MFSD11: variants seen among roughly 807,000 people sequenced by gnomAD.
MFSD11 encodes the protein major facilitator superfamily domain containing 11.
MFSD11 carries 36 observed loss-of-function variants against 53.5 expected under a neutral mutation model. The observed-to-expected ratio is 0.67, with a 90% CI of 0.52 to 0.89. The LOEUF (loss-of-function observed/expected upper bound fraction) is 0.89, where lower values mean the gene tolerates loss of function less well. MFSD11 is among the 40% of genes least tolerant of loss of function. MFSD11 has a pLI of 0.00. For synonymous variants in MFSD11, 186 were observed against 184.9 expected (o/e 1.01, Z -0.05); for missense variants, 530 against 543.9 (o/e 0.97, Z 0.25).
intron 8 of MFSD11, among the ~76,000 whole-genome samples, chr17:76,758,403 T>C (rs1372101143): frequency 1.3e-5 from 2 of 151,890 alleles, no homozygotes; most frequent in Admixed American, 6.6e-5. Context: ...GGCAACATGA[T>C]GCACCTCTCT....
At position 76,778,649 on chromosome 17, in the gene MFSD11, T is replaced by C; in HGVS notation, c.*297T>C. 3.5e-6 allele frequency: 1 copy of C among 281,730 alleles called. No individual in the cohort carries two copies. 17.5% of individuals were successfully genotyped at this position (281,730 alleles called of 1,614,324 possible). On this transcript the variant is annotated 3_prime_UTR_variant, in exon 13 of 13. Transcript: ENST00000685175. ...GTTATAGAATGTAAATGTTTTCTTC[T>C]CTCTCCTGCTCTTGTTGGAAGATCC...
At chr17:76,777,267 CAAAA>C (rs1055404399) in intron 12 of MFSD11, among the ~76,000 whole-genome samples, 1 of 57,966 alleles carries the variant, frequency 1.7e-5, no homozygotes. Flanking sequence ...GACTCCGTCT[CAAAA>C]AAAAAAAAAA....
In MFSD11 at chr17:76,776,944, C is replaced by T. The variant is rs985910027; in HGVS notation, c.1185+403C>T. Among the ~76,000 whole-genome samples the T allele has an allele frequency of 7.2e-5, 11 of 151,962 alleles. No individual in the cohort carries two copies. Among genetic ancestry groups the T allele is most frequent in the Admixed American group, 3.9e-4 (6 of 15,244 alleles). On this transcript the variant is annotated intron_variant, in intron 12 of 12. Transcript: ENST00000685175. This position sits in a 1 kb window ranked among gnomAD's most constrained non-coding sequence, Gnocchi z 4.2. ...TGGGGATTATATGCGTGAGCCACCG[C>T]ACCTGGTCTATTTTTTTATTTTATT...
upstream of MFSD11, chr17:76,737,785 C>G (rs2077625958): frequency 6.2e-6 from 1 of 161,524 alleles, no homozygotes; most frequent in Admixed American, 6.4e-5. Flanking sequence ...CGTCGTCTCT[C>G]GGCCCCGTCC....
the MFSD11 span, among the ~76,000 whole-genome samples, chr17:76,793,449 C>G: frequency 6.6e-6 from 1 of 151,634 alleles, no homozygotes; most frequent in East Asian, 1.9e-4. Flanking sequence ...TTAAGGTTAT[C>G]TGTCTTGTTC....
chr17:76,742,036 A>G lies in MFSD11; in HGVS notation c.328A>G (p.Ile110Val). Residue 110 changes from isoleucine to valine, a missense_variant, in exon 4 of 13, where the codon ATT becomes GTT. Ile to Val is a conservative substitution (Grantham distance 29). Transcript: ENST00000685175. ...SFYTASVFIG[I>V]AAAVLWTAQG... ...CTACACAGCCTCTGTTTTCATTGGA[A>G]TTGCTGCTGCTGGTAAGCATTTTGA... 6.2e-7 allele frequency: 1 copy of G among 1,614,128 alleles called. No homozygotes were observed. Among genetic ancestry groups the G allele is most frequent in the Non-Finnish European group, 8.5e-7 (1 of 1,180,032 alleles).
At chr17:76,787,640 G>T in the MFSD11 span, among the ~76,000 whole-genome samples, 2 of 149,880 alleles carry the variant, frequency 1.3e-5, 1 homozygote, top group Non-Finnish European at 3.0e-5. Flanking sequence ...AATACTATGA[G>T]CTTTTGTTAT....
At chr17:76,762,107 A>C (rs1007610151) in intron 8 of MFSD11, among the ~76,000 whole-genome samples, 1 of 151,916 alleles carries the variant, frequency 6.6e-6, no homozygotes, top group Non-Finnish European at 1.5e-5. Flanking sequence ...CAACCTCCCT[A>C]AGGCACTCCC....
chr17:76,760,749 T>C (rs1296218920), intron 8 of MFSD11, among the ~76,000 whole-genome samples: 1 of 152,090 alleles, frequency 6.6e-6, no homozygotes, highest in Non-Finnish European at 1.5e-5. Flanking sequence ...CAGGCTAGTC[T>C]TGAACTCCTG....
chr17:76,739,410 A>G (rs1477364092), intron 2 of MFSD11, among the ~76,000 whole-genome samples: 2 of 152,222 alleles, frequency 1.3e-5, no homozygotes, highest in African/African-American at 4.8e-5. Context: ...GACGATTAAT[A>G]TACGTATGTC....
chr17:76,777,327 A>G (rs1170413424), intron 12 of MFSD11, among the ~76,000 whole-genome samples: 1 of 151,492 alleles, frequency 6.6e-6, no homozygotes, highest in African/African-American at 2.4e-5. Flanking sequence ...GTGCAGTGGC[A>G]CGATCTTGGC....
chr17:76,755,460 C>T (rs898078439), intron 8 of MFSD11, among the ~76,000 whole-genome samples: 8 of 151,884 alleles, frequency 5.3e-5, no homozygotes, highest in African/African-American at 9.7e-5. Context: ...GGCCACAGGG[C>T]GTTAATGACA....
chr17:76,742,086 C>T (rs369827622), intron 4 of MFSD11, 38 bp downstream of exon 4: 119 of 1,613,894 alleles, frequency 7.4e-5, no homozygotes, highest in Non-Finnish European at 9.9e-5. Flanking sequence ...GCTTTCTTTT[C>T]TGGGGCCTAT....
At chr17:76,757,002 C>T (rs1433462800) in intron 8 of MFSD11, among the ~76,000 whole-genome samples, 1 of 152,112 alleles carries the variant, frequency 6.6e-6, no homozygotes. Context: ...ATGGATATTT[C>T]CTTCTTGTTG....
intron 7 of MFSD11, among the ~76,000 whole-genome samples, chr17:76,744,866 G>A (rs2078401475): frequency 6.6e-6 from 1 of 152,214 alleles, no homozygotes; most frequent in Non-Finnish European, 1.5e-5. Flanking sequence ...TGTTCTTGTG[G>A]TGTGAGTGAG....
the MFSD11 span, among the ~76,000 whole-genome samples, chr17:76,787,352 G>T: frequency 1.3e-5 from 2 of 149,588 alleles, no homozygotes; most frequent in African/African-American, 4.9e-5. Flanking sequence ...GGCCAGGCTG[G>T]TCTTGAACTC....
downstream of MFSD11, among the ~76,000 whole-genome samples, chr17:76,784,093 T>TA (rs1456175912): frequency 6.6e-6 from 1 of 152,122 alleles, no homozygotes; most frequent in Non-Finnish European, 1.5e-5. Flanking sequence ...AAACTAGAAA[T>TA]ACCATGTGAT....
At chr17:76,757,309 C>T (rs2079750946) in intron 8 of MFSD11, among the ~76,000 whole-genome samples, 2 of 152,158 alleles carry the variant, frequency 1.3e-5, no homozygotes, top group African/African-American at 4.8e-5. Flanking sequence ...GGATATTGGG[C>T]TGTCAGGTTT....
At chr17:76,751,950 A>T (rs2079085884) in intron 7 of MFSD11, among the ~76,000 whole-genome samples, 1 of 152,190 alleles carries the variant, frequency 6.6e-6, no homozygotes, top group Admixed American at 6.6e-5. Flanking sequence ...TGTTTCAATC[A>T]GTAGATCATT....
Sources: gnomAD v4.1 joint callset for allele counts (sites outside exome capture counted in the v4.1 genomes callset) on GRCh38, gnomAD v4.1.1 for gene constraint, Gnocchi (gnomAD v3.1) non-coding constraint, MANE v1.5 for transcripts, NCBI Gene and HGNC (gene_info 2026-07-23, HGNC 2026-07-21) for gene names.